PRPF39: variants seen among roughly 807,000 people sequenced by gnomAD.
PRPF39 encodes the protein pre-mRNA-processing factor 39.
In PRPF39, 27 loss-of-function variants were observed where a neutral mutation model predicts 82.1. That is an observed-to-expected ratio of 0.33 (90% CI 0.24 to 0.45). PRPF39 has a LOEUF of 0.45. PRPF39 is among the 20% of genes least tolerant of loss of function. The probability of loss-of-function intolerance (pLI) is 1.00; values close to 1 mark genes in which losing one functional copy is unlikely to be tolerated. For missense variants in PRPF39, 581 were observed against 796.9 expected (o/e 0.73, Z 3.26); for synonymous variants, 261 against 256.4 (o/e 1.02, Z -0.17).
At chr14:45,092,593 T>A (rs1452248857) in intron 1 of PRPF39, among the ~76,000 whole-genome samples, 2 of 131,978 alleles carry the variant, frequency 1.5e-5, no homozygotes, top group Non-Finnish European at 1.5e-5. Flanking sequence ...AGATCGAGAC[T>A]CTGTCTCAAA....
chr14:45,096,741 C>A lies in PRPF39; in HGVS notation c.451-146C>A, dbSNP rs1884212853. ...GGATCAGAACATTGCCATGTTCTAT[C>A]CAACCTCCACCCAAATGGTAATGGT... On this transcript the variant is annotated intron_variant, in intron 3 of 13. Transcript: ENST00000355765. 4 of 1,533,484 alleles carry A rather than the reference C, an allele frequency of 2.6e-6. No individual in the cohort carries two copies. In the African/African-American group the frequency reaches 4.1e-5, roughly 16 times the overall value. The allele number at this position is 1,533,484 out of a possible 1,614,324, so 95.0% of individuals were successfully genotyped here.
chr14:45,114,632 T>C lies in PRPF39; in HGVS notation c.1953+18T>C, dbSNP rs1884786021. 6 of 1,591,702 alleles carry C rather than the reference T, an allele frequency of 3.8e-6. No homozygotes were observed. Among genetic ancestry groups the C allele is most frequent in the African/African-American group, 1.4e-5 (1 of 73,724 alleles). On this transcript the variant is annotated intron_variant, in intron 13 of 13. Coordinates refer to ENST00000355765, the MANE Select transcript of PRPF39 (RefSeq NM_017922.4). ...GGTATCAAGTGAGTCTGCATAATTA[T>C]AATTCTTTGTTCATAGATGTTATTA...
intron 1 of PRPF39, among the ~76,000 whole-genome samples, chr14:45,088,912 T>A (rs1883929710): frequency 6.6e-6 from 1 of 152,236 alleles, no homozygotes; most frequent in Admixed American, 6.5e-5. Context: ...TCTATTCTAT[T>A]TTCCATTTGA....
intron 11 of PRPF39, among the ~76,000 whole-genome samples, chr14:45,113,543 T>G (rs1884755100): frequency 6.6e-6 from 1 of 152,208 alleles, no homozygotes; most frequent in Non-Finnish European, 1.5e-5. Context: ...ATGTTTACAC[T>G]GAAGAAGGTA....
intron 1 of PRPF39, among the ~76,000 whole-genome samples, chr14:45,094,028 G>A (rs1884123143): frequency 6.6e-6 from 1 of 151,970 alleles, no homozygotes; most frequent in Admixed American, 6.6e-5. Flanking sequence ...AAAGATATAG[G>A]TCTTTTTTAT....
intron 5 of PRPF39, among the ~76,000 whole-genome samples, chr14:45,106,262 T>C (rs947438600): frequency 6.6e-6 from 1 of 151,998 alleles, no homozygotes; most frequent in Admixed American, 6.6e-5. Context: ...GGCAGGAGAA[T>C]TGCTTGAACC....
chr14:45,114,264 C>T lies in PRPF39; in HGVS notation c.1832+7C>T, dbSNP rs1236703739. On this transcript the variant is annotated splice_region_variant and intron_variant, in intron 12 of 13. Transcript: ENST00000355765. ...AAAGGAAAGCAGAAAATGGGTATGTCACTTTTTGCTAAGTCAAGAAGGCGT... is the reference window on the plus strand; with the variant it reads ...AAAGGAAAGCAGAAAATGGGTATGTTACTTTTTGCTAAGTCAAGAAGGCGT... 6.3e-7 allele frequency: 1 copy of T among 1,577,110 alleles called. No individual in the cohort carries two copies. The highest frequency in any genetic ancestry group is 1.1e-5 in the South Asian group (1 of 87,798).
intron 1 of PRPF39, among the ~76,000 whole-genome samples, chr14:45,091,333 A>C (rs1884017412): frequency 6.6e-6 from 1 of 152,056 alleles, no homozygotes; most frequent in South Asian, 2.1e-4. Context: ...GTAGTGATGG[A>C]ATCTCACTTT....
chr14:45,096,292 A>C, intron 3 of PRPF39, 64 bp downstream of exon 3: 1 of 1,503,676 alleles, frequency 6.7e-7, no homozygotes, highest in Admixed American at 2.4e-5. Context: ...TAACAAAACA[A>C]AGATTTTTTT....
At chr14:45,091,906 A>G (rs777681869) in intron 1 of PRPF39, among the ~76,000 whole-genome samples, 2 of 152,204 alleles carry the variant, frequency 1.3e-5, no homozygotes, top group East Asian at 1.9e-4. Context: ...AGTTTAAACA[A>G]ATAGGAATTT....
chr14:45,111,205 ACTT>A (rs1280129740), intron 10 of PRPF39, among the ~76,000 whole-genome samples: 1 of 152,220 alleles, frequency 6.6e-6, no homozygotes, highest in African/African-American at 2.4e-5. Flanking sequence ...TCCATAGAGT[ACTT>A]TTTATATTTT....
In PRPF39 at chr14:45,084,125, A is replaced by T. The variant is rs1225277508; in HGVS notation, c.-144A>T. On this transcript the variant is annotated 5_prime_UTR_variant, in exon 1 of 14. Coordinates refer to ENST00000355765, the MANE Select transcript of PRPF39 (RefSeq NM_017922.4). ...CTGACGCATGCGCATCGTGCCCTGG[A>T]CCAGGCGGCCGTGGCGCGGGTGGCG... The T allele has an allele frequency of 1.3e-5, 2 of 153,302 alleles. No homozygotes were observed. Among genetic ancestry groups the T allele is most frequent in the Non-Finnish European group, 2.9e-5 (2 of 68,608 alleles). The allele number at this position is 153,302 out of a possible 1,614,324, so 9.5% of individuals were successfully genotyped here. A position where few individuals can be genotyped will look rare whatever the true frequency, so the allele number is the denominator to read the frequency against.
chr14:45,114,610 A>G lies in PRPF39; in HGVS notation c.1949A>G (p.Tyr650Cys). ...NQAVYNYSAW[Y>C]QYNYQNPWNY... The stretch of plus-strand genomic sequence containing the variant: ...GCTGTATATAATTATAGTGCGTGGT[A>G]TCAAGTGAGTCTGCATAATTATAAT... The change falls in exon 13 of 14, where the codon TAT becomes TGT. Residue 650 changes from tyrosine to cysteine, a missense_variant. Tyr to Cys is a radical substitution (Grantham distance 194, BLOSUM62 -2). Transcript: ENST00000355765. 1 of 1,607,896 alleles carries G rather than the reference A, an allele frequency of 6.2e-7. No homozygotes were observed. The highest frequency in any genetic ancestry group is 8.5e-7 in the Non-Finnish European group (1 of 1,177,842).
intron 5 of PRPF39, among the ~76,000 whole-genome samples, chr14:45,105,000 A>G (rs1024262873): frequency 6.6e-6 from 1 of 152,148 alleles, no homozygotes; most frequent in Non-Finnish European, 1.5e-5. Context: ...ACATTTATTT[A>G]CATTTATATT....
At chr14:45,099,843 T>A (rs1203530367) in intron 4 of PRPF39, among the ~76,000 whole-genome samples, 1 of 152,234 alleles carries the variant, frequency 6.6e-6, no homozygotes, top group African/African-American at 2.4e-5. Flanking sequence ...TTGTTATTTC[T>A]TTGATGATAC....
In PRPF39 at chr14:45,110,114, C is replaced by T. The variant is rs762076776; in HGVS notation, c.1197C>T (p.Asn399=). 7.4e-6 allele frequency: 12 copies of T among 1,613,258 alleles called. No homozygotes were observed. The highest frequency in any genetic ancestry group is 1.0e-5 in the Non-Finnish European group (12 of 1,179,456). ...TGTAGTATGCCAAGTACATGGAAAA[C>T]CATAGCATTGAAGGAGTGAGGCATG... is the stretch of plus-strand genomic sequence containing the variant. ...FWIKYAKYME[N]HSIEGVRHVF... is the part of the protein sequence containing the mutation. Residue 399 remains asparagine, a synonymous_variant, in exon 9 of 14, where the codon AAC becomes AAT. Coordinates refer to ENST00000355765, the MANE Select transcript of PRPF39 (RefSeq NM_017922.4). This position sits in a 1 kb window ranked among gnomAD's most constrained non-coding sequence, Gnocchi z 4.0.
chr14:45,109,661 C>T lies in PRPF39; in HGVS notation c.1057C>T (p.Leu353=), dbSNP rs1217780328. 4 of 1,607,782 alleles carry T rather than the reference C, an allele frequency of 2.5e-6. No individual in the cohort carries two copies. Among genetic ancestry groups the T allele is most frequent in the Admixed American group, 1.7e-5 (1 of 59,176 alleles). The change falls in exon 8 of 14, where the codon CTA becomes TTA. Residue 353 remains leucine (L), a synonymous_variant. Coordinates refer to ENST00000355765, the MANE Select transcript of PRPF39 (RefSeq NM_017922.4). ...TGTGAAACCTTTGGAAAAGGCACAACTAAAAAACTGGAAAGAATACTTAGA... is the reference window on the plus strand; with the variant it reads ...TGTGAAACCTTTGGAAAAGGCACAATTAAAAAACTGGAAAGAATACTTAGA... ...FHVKPLEKAQ[L]KNWKEYLEFE... is the part of the protein sequence containing the mutation.
chr14:45,113,318 A>C (rs559823714), intron 11 of PRPF39, among the ~76,000 whole-genome samples: 30 of 152,382 alleles, frequency 2.0e-4, no homozygotes, highest in African/African-American at 7.0e-4. Context: ...CGTGCTTGGC[A>C]TGATGCCAAA....
chr14:45,106,551 TGA>T, intron 5 of PRPF39, among the ~76,000 whole-genome samples: 1 of 152,210 alleles, frequency 6.6e-6, no homozygotes, highest in South Asian at 2.1e-4. Flanking sequence ...AATAGTGAAA[TGA>T]TATTTTTTTC....
Sources: gnomAD v4.1 joint callset for allele counts (sites outside exome capture counted in the v4.1 genomes callset) on GRCh38, gnomAD v4.1.1 for gene constraint, Gnocchi (gnomAD v3.1) non-coding constraint, MANE v1.5 for transcripts, NCBI Gene and HGNC (gene_info 2026-07-23, HGNC 2026-07-21) for gene names.